The following SNTB2 variants were observed in gnomAD, a reference collection of about 807,000 sequenced individuals.
SNTB2 encodes syntrophin beta 2, also known as beta-2-syntrophin.
SNTB2 carries 34 observed loss-of-function variants against 46.2 expected under a neutral mutation model. The ratio of observed to expected loss-of-function variants is 0.74; its 90% CI spans 0.56 to 0.98. The LOEUF (loss-of-function observed/expected upper bound fraction) is 0.98. Among genes scored for constraint, SNTB2 ranks in the 50% least tolerant of loss-of-function variants. SNTB2 has a pLI of 0.00. For synonymous variants in SNTB2, 290 were observed against 312.6 expected (o/e 0.93, Z 0.76); for missense variants, 603 against 731.4 (o/e 0.82, Z 2.02).
intron 1 of SNTB2, among the ~76,000 whole-genome samples, chr16:69,244,747 C>T (rs1471154263): frequency 6.6e-6 from 1 of 152,122 alleles, no homozygotes; most frequent in Non-Finnish European, 1.5e-5. Context: ...TAGATCATAC[C>T]TTATCTTGAA....
At chr16:69,193,768 A>G (rs566931284) in intron 1 of SNTB2, among the ~76,000 whole-genome samples, 1 of 152,182 alleles carries the variant, frequency 6.6e-6, no homozygotes, top group Non-Finnish European at 1.5e-5. Flanking sequence ...AAGGATGGAG[A>G]TGTTATAAAG....
chr16:69,267,875 G>C (rs1305276743), intron 3 of SNTB2, among the ~76,000 whole-genome samples: 1 of 152,178 alleles, frequency 6.6e-6, no homozygotes, highest in Non-Finnish European at 1.5e-5. Flanking sequence ...CACTCTAACC[G>C]ATAAGTGATT....
chr16:69,221,021 T>C (rs561235721), intron 1 of SNTB2, among the ~76,000 whole-genome samples: 1 of 152,318 alleles, frequency 6.6e-6, no homozygotes. Context: ...TTCCAGATTG[T>C]CATATATGTG....
intron 1 of SNTB2, among the ~76,000 whole-genome samples, chr16:69,204,697 T>C (rs188220833): frequency 5.5e-4 from 84 of 152,324 alleles, no homozygotes; most frequent in African/African-American, 1.9e-3. Context: ...AAGCAAGATA[T>C]TTTCAGTTGA....
intron 1 of SNTB2, among the ~76,000 whole-genome samples, chr16:69,196,128 A>G (rs1378659094): frequency 2.0e-5 from 3 of 152,012 alleles, no homozygotes; most frequent in Admixed American, 6.6e-5. Context: ...GGTCCCAGCT[A>G]CTTGGGAGGC....
At chr16:69,210,019 ATTTTTT>A (rs137973730) in intron 1 of SNTB2, among the ~76,000 whole-genome samples, 44 of 122,174 alleles carry the variant, frequency 3.6e-4, no homozygotes, top group African/African-American at 1.3e-3. Flanking sequence ...TTGTTATTTA[ATTTTTT>A]TTTTTTTTTT....
At position 69,302,427 on chromosome 16, in the gene SNTB2, C is replaced by T. The variant is rs1376806688; in HGVS notation, c.*1503C>T. 1 of 152,176 alleles carries T rather than the reference C, an allele frequency of 6.6e-6. No individual in the cohort carries two copies. Among genetic ancestry groups the T allele is most frequent in the Non-Finnish European group, 1.5e-5 (1 of 68,044 alleles). The allele number at this position is 152,176 out of a possible 1,614,324, so 9.4% of individuals were successfully genotyped here. ...TCTGAAGAAAGGTCTAGGGAAAGTTCTTGTTTGCTTGATTGATCAAGAGTG... is the reference window on the plus strand; with the variant it reads ...TCTGAAGAAAGGTCTAGGGAAAGTTTTTGTTTGCTTGATTGATCAAGAGTG... On this transcript the variant is annotated 3_prime_UTR_variant, in exon 7 of 7. Transcript: ENST00000336278.
intron 5 of SNTB2, among the ~76,000 whole-genome samples, chr16:69,293,356 G>A (rs1477848013): frequency 6.6e-6 from 1 of 152,098 alleles, no homozygotes; most frequent in Admixed American, 6.6e-5. Flanking sequence ...ATTGAGGTTT[G>A]CCTATAAAGA....
At chr16:69,291,413 T>TA (rs573278580) in intron 5 of SNTB2, among the ~76,000 whole-genome samples, 37 of 152,274 alleles carry the variant, frequency 2.4e-4, no homozygotes, top group South Asian at 1.9e-3. Flanking sequence ...AGTTCTCATT[T>TA]AAAAAAACAC....
chr16:69,187,217 G>A lies in SNTB2; in HGVS notation c.51G>A (p.Ala17=), dbSNP rs748420775. Reference sequence around the variant, plus strand: ...CGGCTGGAGCGGGGCCGGCCATGGCGGTGTGGACGCGGGCCACCAAAGCGG... The same window carrying A: ...CGGCTGGAGCGGGGCCGGCCATGGCAGTGTGGACGCGGGCCACCAAAGCGG... The part of the protein sequence containing the change: ...TAAAGAGPAM[A]VWTRATKAGL... The change falls in exon 1 of 7, where the codon GCG becomes GCA. Residue 17 remains alanine, a synonymous_variant. Coordinates refer to ENST00000336278, the MANE Select transcript of SNTB2 (RefSeq NM_006750.4). The A allele has an allele frequency of 6.9e-7, 1 of 1,440,674 alleles. No homozygotes were observed. Among genetic ancestry groups the A allele is most frequent in the Non-Finnish European group, 9.1e-7 (1 of 1,098,596 alleles). The allele number at this position is 1,440,674 out of a possible 1,614,324, so 89.2% of individuals were successfully genotyped here. A position where few individuals can be genotyped will look rare whatever the true frequency, so the allele number is the denominator to read the frequency against.
At chr16:69,283,957 T>G (rs1253011375) in intron 4 of SNTB2, 91 bp from the exon 5 acceptor site, 8 of 1,218,024 alleles carry the variant, frequency 6.6e-6, no homozygotes, top group Non-Finnish European at 8.1e-6. Flanking sequence ...TGATTGCTTT[T>G]ATAAGTTTCT....
intron 1 of SNTB2, among the ~76,000 whole-genome samples, chr16:69,198,611 C>CT (rs1964129003): frequency 6.6e-6 from 1 of 152,138 alleles, no homozygotes; most frequent in African/African-American, 2.4e-5. Flanking sequence ...GAAAAGAAAT[C>CT]TTTGAGATTG....
intron 1 of SNTB2, among the ~76,000 whole-genome samples, chr16:69,207,154 C>CTTTCTTTTTT (rs771500331): frequency 1.9e-4 from 24 of 126,444 alleles, no homozygotes; most frequent in Non-Finnish European, 3.0e-4. Context: ...TTCTTTCTTT[C>CTTTCTTTTTT]TTTTTTTTTT....
intron 1 of SNTB2, among the ~76,000 whole-genome samples, chr16:69,231,456 G>A (rs1019527081): frequency 1.3e-5 from 2 of 152,124 alleles, no homozygotes; most frequent in Non-Finnish European, 2.9e-5. Flanking sequence ...GGGCATGGTG[G>A]CGCATGCCTG....
intron 1 of SNTB2, among the ~76,000 whole-genome samples, chr16:69,192,292 G>C (rs1964063015): frequency 6.6e-6 from 1 of 152,158 alleles, no homozygotes; most frequent in South Asian, 2.1e-4. Flanking sequence ...TGCTTGTCAG[G>C]GGACATAGCA....
chr16:69,250,565 T>C (rs1282660410), intron 2 of SNTB2, among the ~76,000 whole-genome samples: 1 of 152,202 alleles, frequency 6.6e-6, no homozygotes, highest in Non-Finnish European at 1.5e-5. Context: ...GGACATAATA[T>C]CTGCTCAACT....
chr16:69,253,446 G>T (rs561515621), intron 2 of SNTB2, among the ~76,000 whole-genome samples: 1 of 151,396 alleles, frequency 6.6e-6, no homozygotes, highest in Non-Finnish European at 1.5e-5. Context: ...TCAGGAGATC[G>T]AGACCATCCT....
intron 1 of SNTB2, among the ~76,000 whole-genome samples, chr16:69,209,048 G>A (rs933131263): frequency 2.0e-5 from 3 of 151,396 alleles, no homozygotes; most frequent in Admixed American, 2.0e-4. Context: ...CCCGATCTCA[G>A]CTCACTGCAA....
intron 4 of SNTB2, among the ~76,000 whole-genome samples, chr16:69,279,586 C>A (rs981075102): frequency 1.9e-4 from 24 of 125,312 alleles, no homozygotes; most frequent in Admixed American, 9.4e-4. Context: ...AGTGCAGTGG[C>A]ACGATATGGG....
Sources: allele counts gnomAD v4.1 joint callset (sites outside exome capture counted in the v4.1 genomes callset), GRCh38; gene constraint gnomAD v4.1.1; transcripts MANE v1.5; gene names NCBI Gene and HGNC (gene_info 2026-07-23, HGNC 2026-07-21).